PTPN7: variants seen among roughly 807,000 people sequenced by gnomAD.
PTPN7 encodes the protein tyrosine-protein phosphatase non-receptor type 7.
PTPN7 carries 33 observed loss-of-function variants against 50.3 expected under a neutral mutation model. The ratio of observed to expected loss-of-function variants is 0.66; its 90% confidence interval spans 0.50 to 0.88. The LOEUF (loss-of-function observed/expected upper bound fraction) is 0.88, where lower values mean the gene tolerates loss of function less well. Among genes scored for constraint, PTPN7 ranks in the 40% least tolerant of loss-of-function variants. The pLI, the probability that PTPN7 is intolerant of heterozygous loss-of-function variation, is 0.00. For synonymous variants in PTPN7, 185 were observed against 186.6 expected (o/e 0.99, Z 0.07); for missense variants, 412 against 475.4 (o/e 0.87, Z 1.24).
Position 202,152,529 on chromosome 1 carries a change from G to C in PTPN7, c.875+13C>G, listed in dbSNP as rs767065652. 2.5e-6 allele frequency: 4 copies of C among 1,610,108 alleles called. No individual in the cohort carries two copies. The African/African-American group carries it at 4.0e-5, about 16-fold the overall frequency. On this transcript the variant is annotated intron_variant, in intron 8 of 9. Coordinates refer to ENST00000691036, the MANE Select transcript of PTPN7 (RefSeq NM_002832.4). ...CACAGTCCACAGGCTGCAGTGAAGG[G>C]AGGGCCACGCACCTGCAGTGGACTA...
upstream of PTPN7, chr1:202,161,314 A>AG: frequency 8.5e-7 from 1 of 1,170,670 alleles, no homozygotes; most frequent in Non-Finnish European, 1.1e-6. Context: ...AGGGAGTCCG[A>AG]GGGGCTTCCC....
Position 202,159,796 on chromosome 1 carries a change from AAT to A in PTPN7, c.-52-344_-52-343del, listed in dbSNP as rs1657147087. ...GGAGAAGGCAAGGGAGGAAACAGAA[AAT>A]ATGTGTTCTCTAGGACGGAAGGGAG... On this transcript the variant is annotated intron_variant, in intron 1 of 9. Coordinates refer to ENST00000691036, the MANE Select transcript of PTPN7 (RefSeq NM_002832.4). The surrounding 1 kb of genome is among the most constrained non-coding windows in gnomAD (Gnocchi z 4.6). 1.7e-6 allele frequency: 2 copies of A among 1,202,926 alleles called. No homozygotes were observed. Among genetic ancestry groups the A allele is most frequent in the Non-Finnish European group, 2.1e-6 (2 of 966,758 alleles). The allele number at this position is 1,202,926 out of a possible 1,614,324, so 74.5% of individuals were successfully genotyped here. A position where few individuals can be genotyped will look rare whatever the true frequency, so the allele number is the denominator to read the frequency against.
rs145765292 is a variant in PTPN7, at chr1:202,153,828, A to C, written c.614T>G (p.Val205Gly). 426 of 1,613,024 alleles carry C rather than the reference A, an allele frequency of 2.6e-4. 1 individual carries two copies. Among genetic ancestry groups the C allele is most frequent in the Non-Finnish European group, 3.3e-4 (388 of 1,179,154 alleles). ...TQLREGKEKC[V>G]HYWPTEEETY... is the part of the protein sequence containing the mutation. ...TTCCTCTTCTGTGGGCCAGTAGTGG[A>C]CACATTTCTAGGAGGGAGGGAGCTG... The change falls in exon 7 of 10, where the codon GTC (valine) becomes GGC (glycine). Residue 205 changes from valine to glycine, a missense_variant. Transcript: ENST00000691036.
intron 3 of PTPN7, 36 bp downstream of exon 3, chr1:202,158,082 G>A (rs1057179292): frequency 1.3e-6 from 2 of 1,542,272 alleles, no homozygotes; most frequent in South Asian, 2.5e-5. Flanking sequence ...CTGATACAGA[G>A]GGCAGAGCGA....
chr1:202,150,195 T>G, intron 9 of PTPN7, 116 bp downstream of exon 9: 1 of 779,790 alleles, frequency 1.3e-6, no homozygotes, highest in Non-Finnish European at 2.2e-6. Context: ...GCAGAAAGGG[T>G]TTCTTCCTTT....
In PTPN7 at chr1:202,159,372, C is replaced by A; in HGVS notation, c.31G>T (p.Ala11Ser). Residue 11 changes from alanine to serine, a missense_variant, in exon 2 of 10, where the codon GCA becomes TCA. Ala to Ser is a moderately conservative substitution (Grantham distance 99). Coordinates refer to ENST00000691036, the MANE Select transcript of PTPN7 (RefSeq NM_002832.4). The surrounding 1 kb of genome is among the most constrained non-coding windows in gnomAD (Gnocchi z 4.6). ...CCCAAAGACAAGGTCAACGGCTGTG[C>A]TCTGGAGCGCCCCCCATGGGCTTGG... is the stretch of plus-strand genomic sequence containing the variant. MVQAHGGRSR[A>S]QPLTLSLGAA... 7.4e-6 allele frequency: 12 copies of A among 1,614,230 alleles called. No individual in the cohort carries two copies. Among genetic ancestry groups the A allele is most frequent in the Non-Finnish European group, 1.0e-5 (12 of 1,180,040 alleles).
intron 9 of PTPN7, 47 bp downstream of exon 9, chr1:202,150,264 A>G: frequency 6.8e-7 from 1 of 1,473,586 alleles, no homozygotes; most frequent in Non-Finnish European, 9.4e-7. Flanking sequence ...AGAGGCACTG[A>G]TGCCATCCGT....
At chr1:202,148,850 T>A in intron 9 of PTPN7, 151 bp from the exon 10 acceptor site, 1 of 389,866 alleles carries the variant, frequency 2.6e-6, no homozygotes, top group African/African-American at 2.6e-5. Flanking sequence ...CTTTTCACTT[T>A]TTTTTTTTTT....
chr1:202,152,929 G>A (rs1043555441), intron 7 of PTPN7, among the ~76,000 whole-genome samples: 5 of 152,188 alleles, frequency 3.3e-5, no homozygotes, highest in African/African-American at 1.2e-4. Context: ...TTCAAGCCCT[G>A]GCTCTGCTTC....
intron 5 of PTPN7, 151 bp from the exon 6 acceptor site, chr1:202,154,474 C>T: frequency 4.4e-6 from 4 of 904,146 alleles, no homozygotes. Context: ...TCAGAAGCCA[C>T]ATGATGGAAA....
At chr1:202,150,486 C>T in intron 8 of PTPN7, 62 bp from the exon 9 acceptor site, 1 of 1,333,198 alleles carries the variant, frequency 7.5e-7, no homozygotes, top group South Asian at 1.2e-5. Flanking sequence ...GAGAGCCAGG[C>T]CCCAAACTAT....
At chr1:202,149,971 C>T (rs1174324683) in intron 9 of PTPN7, 13 of 180,390 alleles carry the variant, frequency 7.2e-5, no homozygotes, top group Admixed American at 2.7e-4. Flanking sequence ...TAGCTGGGAT[C>T]ACAGGGGCCC....
upstream of PTPN7, chr1:202,161,140 GA>G (rs1571772090): frequency 5.0e-6 from 6 of 1,202,578 alleles, no homozygotes; most frequent in East Asian, 4.0e-5. Flanking sequence ...TCGGGGTGGG[GA>G]AAAAGAAGAA....
At chr1:202,160,753 GGGCCCAA>G (rs1452199693), upstream of PTPN7, 2 of 1,550,758 alleles carry the variant, frequency 1.3e-6, no homozygotes, top group Admixed American at 3.9e-5. The surrounding 1 kb of genome is among the most constrained non-coding windows in gnomAD (Gnocchi z 4.8). Context: ...TGCCCTTCTG[GGGCCCAA>G]GGCCCCGTTC....
chr1:202,153,015 C>T (rs1219861204), intron 7 of PTPN7, among the ~76,000 whole-genome samples: 1 of 152,198 alleles, frequency 6.6e-6, no homozygotes, highest in African/African-American at 2.4e-5. Context: ...TGATATCTTA[C>T]TGGTTTACTT....
intron 2 of PTPN7, 51 bp from the exon 3 acceptor site, chr1:202,158,352 TTCTTTTCTTTTTA>T: frequency 1.9e-6 from 3 of 1,584,398 alleles, no homozygotes; most frequent in South Asian, 1.1e-5. Context: ...ATATTTGCTT[TTCTTTTCTTTTTA>T]TCTTTTCTTT....
rs1421969739 is a variant in PTPN7, at chr1:202,159,750, G to GGC, written c.-52-298_-52-297dup. The GGC allele has an allele frequency of 2.3e-6, 3 of 1,302,352 alleles. No homozygotes were observed. The Admixed American group carries it at 1.0e-4, about 45-fold the overall frequency. The allele number at this position is 1,302,352 out of a possible 1,614,324, so 80.7% of individuals were successfully genotyped here. A position where few individuals can be genotyped will look rare whatever the true frequency, so the allele number is the denominator to read the frequency against. ...AGAGGCCACACACCAGAGTACACAG[G>GGC]GCTCTGAGCAGGTCCAAGTGGGAGA... On this transcript the variant is annotated intron_variant, in intron 1 of 9. Transcript: ENST00000691036. The surrounding 1 kb of genome is among the most constrained non-coding windows in gnomAD (Gnocchi z 4.6).
At chr1:202,148,845 CACTT>C in intron 9 of PTPN7, 146 bp from the exon 10 acceptor site, 1 of 235,692 alleles carries the variant, frequency 4.2e-6, no homozygotes, top group Non-Finnish European at 7.1e-6. Context: ...TTCATCTTTT[CACTT>C]TTTTTTTTTT....
chr1:202,161,035 C>CA (rs1199052535), upstream of PTPN7: 23 of 1,392,542 alleles, frequency 1.7e-5, no homozygotes, highest in South Asian at 6.6e-5. Flanking sequence ...CCCTCTCCCT[C>CA]AAGGCCCTCT....
Sources: allele counts gnomAD v4.1 joint callset (sites outside exome capture counted in the v4.1 genomes callset), GRCh38; gene constraint gnomAD v4.1.1; non-coding constraint Gnocchi (gnomAD v3.1); transcripts MANE v1.5; gene names NCBI Gene and HGNC (gene_info 2026-07-23, HGNC 2026-07-21).